RGS21: variants seen among roughly 807,000 people sequenced by gnomAD.
The protein encoded by RGS21 is regulator of G-protein signalling 21.
Under a neutral mutation model 18.7 loss-of-function variants are expected in RGS21, and 19 were observed. The observed-to-expected ratio is 1.01, with a 90% confidence interval of 0.71 to 1.49. The LOEUF is 1.49. Among genes scored for constraint, RGS21 ranks in the 40% most tolerant of loss-of-function variants. The pLI, the probability that RGS21 is intolerant of heterozygous loss-of-function variation, is 0.00. For synonymous variants in RGS21, 56 were observed against 57.8 expected (o/e 0.97, Z 0.14); for missense variants, 194 against 176.8 (o/e 1.10, Z -0.55).
intron 4 of RGS21, among the ~76,000 whole-genome samples, chr1:192,365,041 C>G (rs754687861): frequency 2.0e-5 from 3 of 150,942 alleles, no homozygotes; most frequent in Non-Finnish European, 4.4e-5. Context: ...GAGGCTAAGG[C>G]AGGAGAATCG....
At position 192,367,099 on chromosome 1, in the gene RGS21, C is replaced by CA. The variant is rs1659270540; in HGVS notation, c.*976dup. ...AGCTGTAAAGATTCAACAGATCTCCCACGTTTCCATTTTCTTTGCACAGAT... is the reference window on the plus strand; with the variant it reads ...AGCTGTAAAGATTCAACAGATCTCCCAACGTTTCCATTTTCTTTGCACAGAT... On this transcript the variant is annotated 3_prime_UTR_variant, in exon 5 of 5. Coordinates refer to ENST00000417209, the MANE Select transcript of RGS21 (RefSeq NM_001039152.3). 6.6e-6 allele frequency: 1 copy of CA among 151,968 alleles called. No individual in the cohort carries two copies. The highest frequency in any genetic ancestry group is 2.4e-5 in the African/African-American group (1 of 41,414). 9.4% of individuals were successfully genotyped at this position (151,968 alleles called of 1,614,324 possible).
intron 1 of RGS21, among the ~76,000 whole-genome samples, chr1:192,329,998 C>T (rs1354715957): frequency 1.3e-5 from 2 of 152,042 alleles, no homozygotes; most frequent in Non-Finnish European, 2.9e-5. Flanking sequence ...AATTTTTAAA[C>T]ATTTTATATT....
chr1:192,331,972 G>GC (rs1557975399), intron 1 of RGS21, among the ~76,000 whole-genome samples: 11 of 151,504 alleles, frequency 7.3e-5, no homozygotes, highest in African/African-American at 9.7e-5. Context: ...ATTATTTGAT[G>GC]TAAAAAAAAT....
rs548765821 is a variant in RGS21, at chr1:192,342,982, A to G, written c.-55A>G. 173 of 1,589,660 alleles carry G rather than the reference A, an allele frequency of 1.1e-4. No homozygotes were observed. The highest frequency in any genetic ancestry group is 2.2e-4 in the Admixed American group (13 of 59,868). On this transcript the variant is annotated 5_prime_UTR_variant, in exon 2 of 5. Transcript: ENST00000417209. Reference sequence around the variant, plus strand: ...TGCTGTCACATTACCTTCAGCTTGAAGATCAGTCAGAAAGAGAAACTCGGC... The same window carrying G: ...TGCTGTCACATTACCTTCAGCTTGAGGATCAGTCAGAAAGAGAAACTCGGC...
intron 1 of RGS21, among the ~76,000 whole-genome samples, chr1:192,326,036 G>A (rs750766008): frequency 6.6e-6 from 1 of 151,936 alleles, no homozygotes; most frequent in Non-Finnish European, 1.5e-5. Context: ...ATAAAATATG[G>A]CTCTTCTGCG....
chr1:192,331,306 C>G (rs972463349), intron 1 of RGS21, among the ~76,000 whole-genome samples: 6 of 152,080 alleles, frequency 3.9e-5, no homozygotes, highest in African/African-American at 1.4e-4. Flanking sequence ...ATAATCCCAG[C>G]ACTTTGGGAG....
At chr1:192,328,057 A>G (rs1301792437) in intron 1 of RGS21, among the ~76,000 whole-genome samples, 2 of 152,172 alleles carry the variant, frequency 1.3e-5, no homozygotes, top group Non-Finnish European at 2.9e-5. Context: ...TGTAATTGGC[A>G]ATGTGAACAA....
intron 4 of RGS21, among the ~76,000 whole-genome samples, chr1:192,355,365 C>T (rs1659096531): frequency 1.3e-5 from 2 of 151,728 alleles, no homozygotes; most frequent in Admixed American, 1.3e-4. Context: ...ACTATTGAAA[C>T]AACCCTTAGC....
At chr1:192,357,126 A>G (rs1253905321) in intron 4 of RGS21, among the ~76,000 whole-genome samples, 1 of 151,844 alleles carries the variant, frequency 6.6e-6, no homozygotes, top group Non-Finnish European at 1.5e-5. Context: ...ATCCAAGTCT[A>G]GAGGATCAGG....
chr1:192,323,362 G>A (rs112519319), intron 1 of RGS21, among the ~76,000 whole-genome samples: 1 of 152,152 alleles, frequency 6.6e-6, no homozygotes, highest in Non-Finnish European at 1.5e-5. Flanking sequence ...ATGGCCTTTA[G>A]AAAGGAAAGA....
intron 4 of RGS21, among the ~76,000 whole-genome samples, chr1:192,357,888 A>G (rs916905801): frequency 1.3e-5 from 2 of 152,158 alleles, no homozygotes; most frequent in Non-Finnish European, 2.9e-5. Flanking sequence ...TATTTCTTCT[A>G]ATAATCTGCA....
Position 192,359,811 on chromosome 1 carries a change from T to C in RGS21, c.256-6110T>C, listed in dbSNP as rs537966736. The stretch of plus-strand genomic sequence containing the variant: ...ATATATATATACACATAGTAAGTTA[T>C]ATACATTATTTAGTAAGATATATAT... On this transcript the variant is annotated intron_variant, in intron 4 of 4. Coordinates refer to ENST00000417209, the MANE Select transcript of RGS21 (RefSeq NM_001039152.3). 8.0e-4 allele frequency among the ~76,000 whole-genome samples: 121 copies of C among 150,848 alleles called. 2 individuals carry two copies. Among genetic ancestry groups the C allele is most frequent in the South Asian group, 1.7e-3 (8 of 4,792 alleles).
At chr1:192,354,871 T>C (rs550485233) in intron 4 of RGS21, among the ~76,000 whole-genome samples, 1 of 151,742 alleles carries the variant, frequency 6.6e-6, no homozygotes, top group South Asian at 2.1e-4. Flanking sequence ...TATTTGCTGA[T>C]GCAATTGGAC....
intron 1 of RGS21, among the ~76,000 whole-genome samples, chr1:192,320,893 C>T (rs1000846509): frequency 6.6e-6 from 1 of 151,920 alleles, no homozygotes; most frequent in African/African-American, 2.4e-5. Flanking sequence ...ATTCTAAACA[C>T]TAATTATAAT....
chr1:192,362,777 CATT>C (rs1260234725), intron 4 of RGS21, among the ~76,000 whole-genome samples: 2 of 152,022 alleles, frequency 1.3e-5, no homozygotes, highest in Non-Finnish European at 2.9e-5. Flanking sequence ...TATTAATTAG[CATT>C]ATTATGTTGA....
At chr1:192,321,772 T>G (rs1277471624) in intron 1 of RGS21, among the ~76,000 whole-genome samples, 1 of 152,102 alleles carries the variant, frequency 6.6e-6, no homozygotes, top group Non-Finnish European at 1.5e-5. Flanking sequence ...AAAAGAGCCC[T>G]GATCTGAAGA....
At chr1:192,355,273 T>C (rs1659095497) in intron 4 of RGS21, among the ~76,000 whole-genome samples, 2 of 151,612 alleles carry the variant, frequency 1.3e-5, no homozygotes, top group Non-Finnish European at 3.0e-5. Flanking sequence ...GTGTCTAGGG[T>C]TTACATCATG....
At chr1:192,330,512 G>T (rs1005116492) in intron 1 of RGS21, among the ~76,000 whole-genome samples, 2 of 152,156 alleles carry the variant, frequency 1.3e-5, no homozygotes, top group African/African-American at 4.8e-5. Flanking sequence ...CATCTTAAAA[G>T]GTTTACACAA....
At chr1:192,323,872 A>G (rs1229537788) in intron 1 of RGS21, among the ~76,000 whole-genome samples, 1 of 152,142 alleles carries the variant, frequency 6.6e-6, no homozygotes, top group Non-Finnish European at 1.5e-5. Context: ...CAGCCCAGAG[A>G]TTATAAATCA....
Sources: allele counts gnomAD v4.1 joint callset (sites outside exome capture counted in the v4.1 genomes callset), GRCh38; gene constraint gnomAD v4.1.1; transcripts MANE v1.5; gene names NCBI Gene and HGNC (gene_info 2026-07-23, HGNC 2026-07-21).